The following CHRDL2 variants were observed in gnomAD, a reference collection of about 807,000 sequenced individuals.
CHRDL2 encodes the protein chordin like 2.
CHRDL2 carries 41 observed loss-of-function variants against 54.3 expected under a neutral mutation model. The ratio of observed to expected loss-of-function variants is 0.76; its 90% CI spans 0.59 to 0.98. CHRDL2 has a LOEUF of 0.98. Among genes scored for constraint, CHRDL2 ranks in the 50% least tolerant of loss-of-function variants. The pLI is 0.00. For synonymous variants in CHRDL2, 220 were observed against 224.3 expected, an observed-to-expected ratio of 0.98 and a Z score of 0.17; for missense variants, 518 against 562.4, an observed-to-expected ratio of 0.92 and a Z score of 0.80.
chr11:74,700,485 G>T (rs1591347686), intron 9 of CHRDL2, among the ~76,000 whole-genome samples: 1 of 152,164 alleles, frequency 6.6e-6, no homozygotes, highest in South Asian at 2.1e-4. Flanking sequence ...CTGCACCCAG[G>T]TCACTAAGCC....
intron 6 of CHRDL2, 21 bp downstream of exon 6, chr11:74,706,466 T>C (rs1324759887): frequency 1.9e-6 from 3 of 1,613,320 alleles, no homozygotes; most frequent in Non-Finnish European, 2.5e-6. Flanking sequence ...CCGCACCCCG[T>C]CAATAAGGCC....
chr11:74,713,308 G>A, intron 3 of CHRDL2, 78 bp downstream of exon 3: 2 of 1,268,718 alleles, frequency 1.6e-6, no homozygotes, highest in Admixed American at 1.8e-5. Context: ...CTCCTTGCAG[G>A]GGTCTCCCTC....
intron 1 of CHRDL2, among the ~76,000 whole-genome samples, chr11:74,727,114 G>A (rs1348527311): frequency 6.6e-6 from 1 of 152,204 alleles, no homozygotes; most frequent in African/African-American, 2.4e-5. Flanking sequence ...ATTACGAAGT[G>A]TTAAAACTAG....
Position 74,708,344 on chromosome 11 carries a change from C to G in CHRDL2, c.484G>C (p.Ala162Pro), listed in dbSNP as rs989528330. ...CAGGAGTCTGGCAGCGGGAGGGGTG[C>G]TGGGCAGCCTGGTTCGGGGCAGGTT... ...LTTCPEPGCP[A>P]PLPLPDSCCQ... is the part of the protein sequence containing the mutation. Residue 162 changes from alanine (A) to proline (P), a missense_variant, in exon 5 of 11, where the codon GCA becomes CCA. Ala to Pro is a conservative substitution (Grantham distance 27). Transcript: ENST00000376332. The G allele has an allele frequency of 6.3e-6, 10 of 1,583,780 alleles. No homozygotes were observed. Among genetic ancestry groups the G allele is most frequent in the Non-Finnish European group, 8.6e-6 (10 of 1,168,600 alleles).
chr11:74,727,430 G>A (rs1565160602), intron 1 of CHRDL2, among the ~76,000 whole-genome samples: 1 of 152,004 alleles, frequency 6.6e-6, no homozygotes, highest in Non-Finnish European at 1.5e-5. Flanking sequence ...TTCTCAGCAG[G>A]GTCTCACTGT....
At chr11:74,712,520 C>T (rs1447045805) in intron 3 of CHRDL2, among the ~76,000 whole-genome samples, 1 of 152,196 alleles carries the variant, frequency 6.6e-6, no homozygotes, top group African/African-American at 2.4e-5. Context: ...CTGAGAGCCA[C>T]TGTCCCCCCG....
chr11:74,707,022 C>T lies in CHRDL2; in HGVS notation c.527-480G>A, dbSNP rs572407458. 2.0e-4 allele frequency among the ~76,000 whole-genome samples: 30 copies of T among 152,290 alleles called. No homozygotes were observed. The South Asian group carries it at 5.4e-3, about 27-fold the overall frequency. The stretch of plus-strand genomic sequence containing the variant: ...CCAGGACCCTACACTCCAGCCCCTT[C>T]GCCCCTCCAGCCTGAGCACCCTGCC... On this transcript the variant is annotated intron_variant, in intron 5 of 10. Coordinates refer to ENST00000376332, the MANE Select transcript of CHRDL2 (RefSeq NM_001278473.3).
At chr11:74,698,776 T>TC (rs1425126397) in intron 9 of CHRDL2, 1 of 151,930 alleles carries the variant, frequency 6.6e-6, no homozygotes, top group African/African-American at 2.4e-5. Flanking sequence ...ATTAGCTGGA[T>TC]CCCCTGATGT....
Position 74,718,879 on chromosome 11 carries a change from A to G in CHRDL2, c.83-47T>C, listed in dbSNP as rs368675432. The G allele has an allele frequency of 5.0e-5, 59 of 1,183,690 alleles. No homozygotes were observed. In the African/African-American group the frequency reaches 8.4e-4, roughly 17 times the overall value. The allele number at this position is 1,183,690 out of a possible 1,614,324, so 73.3% of individuals were successfully genotyped here. A position where few individuals can be genotyped will look rare whatever the true frequency, so the allele number is the denominator to read the frequency against. ...TGTTAGTCCCAGGAGGCTCCAGCCC[A>G]AAGACCCTGTCTCATTTCTCCTTCT... On this transcript the variant is annotated intron_variant, in intron 1 of 10. Coordinates refer to ENST00000376332, the MANE Select transcript of CHRDL2 (RefSeq NM_001278473.3).
At chr11:74,724,729 T>C (rs1263449636) in intron 1 of CHRDL2, among the ~76,000 whole-genome samples, 1 of 152,220 alleles carries the variant, frequency 6.6e-6, no homozygotes, top group Non-Finnish European at 1.5e-5. Context: ...GCCACTGGCC[T>C]TTCCTGCAGA....
intron 7 of CHRDL2, 125 bp downstream of exon 7, chr11:74,704,361 G>A: frequency 1.1e-6 from 1 of 885,180 alleles, no homozygotes; most frequent in Non-Finnish European, 1.7e-6. Flanking sequence ...GAGTCTACAA[G>A]CTCATGGCCA....
intron 1 of CHRDL2, among the ~76,000 whole-genome samples, chr11:74,729,098 G>A (rs778343202): frequency 6.6e-6 from 1 of 152,200 alleles, no homozygotes; most frequent in Non-Finnish European, 1.5e-5. Flanking sequence ...AAGAAGCAGG[G>A]TGTGGGTAGG....
chr11:74,726,773 G>A (rs925865748), intron 1 of CHRDL2, among the ~76,000 whole-genome samples: 10 of 152,158 alleles, frequency 6.6e-5, no homozygotes, highest in Non-Finnish European at 1.2e-4. Context: ...GGAGAGGAGA[G>A]GTGCAGAACG....
At chr11:74,698,067 CTTT>C (rs11297072) in intron 9 of CHRDL2, among the ~76,000 whole-genome samples, 35 of 130,590 alleles carry the variant, frequency 2.7e-4, no homozygotes, top group Admixed American at 3.1e-4. Flanking sequence ...ACTTTTTTTT[CTTT>C]TTTTTTTTTT....
chr11:74,697,470 T>C, intron 9 of CHRDL2, 173 bp from the exon 10 acceptor site: 1 of 615,458 alleles, frequency 1.6e-6, no homozygotes, highest in Non-Finnish European at 3.0e-6. Flanking sequence ...TCCATTCTCC[T>C]ATCTCTCTGC....
rs893111104 is a variant in CHRDL2 at position 74,730,943 on chromosome 11, C to T, written c.-55G>A. On this transcript the variant is annotated 5_prime_UTR_variant, in exon 1 of 11. Coordinates refer to ENST00000376332, the MANE Select transcript of CHRDL2 (RefSeq NM_001278473.3). ...GGAGCGGAGTCGGGAGGAAGGGAGA[C>T]GAAAAGGACACGGAGGCACAGGGGC... 6 of 1,456,412 alleles carry T rather than the reference C, an allele frequency of 4.1e-6. No homozygotes were observed. In the African/African-American group the frequency reaches 8.4e-5, roughly 20 times the overall value. 90.2% of individuals were successfully genotyped at this position (1,456,412 alleles called of 1,614,324 possible). A position where few individuals can be genotyped will look rare whatever the true frequency, so the allele number is the denominator to read the frequency against.
At chr11:74,725,226 C>T (rs773481852) in intron 1 of CHRDL2, among the ~76,000 whole-genome samples, 25 of 151,958 alleles carry the variant, frequency 1.6e-4, no homozygotes, top group Non-Finnish European at 3.1e-4. Context: ...CTCTTGACCT[C>T]GTGATCCACC....
chr11:74,718,248 T>C (rs2034412349), intron 2 of CHRDL2, among the ~76,000 whole-genome samples: 1 of 152,032 alleles, frequency 6.6e-6, no homozygotes, highest in African/African-American at 2.4e-5. Context: ...AAGAAGAAAA[T>C]CCTTCCAGGT....
In CHRDL2 at chr11:74,726,370, G is replaced by A. The variant is rs148776143; in HGVS notation, c.82+4437C>T. On this transcript the variant is annotated intron_variant, in intron 1 of 10. Transcript: ENST00000376332. ...CAATCTTCAATGCCAGTCGTCAGAT[G>A]TGGAGAGAATGCTTACAGGGACACC... 1.1e-4 allele frequency among the ~76,000 whole-genome samples: 17 copies of A among 152,294 alleles called. No individual in the cohort carries two copies. The East Asian group carries it at 3.3e-3, about 29-fold the overall frequency.
Sources: gnomAD v4.1 joint callset for allele counts (sites outside exome capture counted in the v4.1 genomes callset) on GRCh38, gnomAD v4.1.1 for gene constraint, MANE v1.5 for transcripts, NCBI Gene and HGNC (gene_info 2026-07-23, HGNC 2026-07-21) for gene names.